Variants in EXOC4 observed in about 807,000 individuals in gnomAD.
EXOC4 encodes the protein exocyst complex component 4, also known as SEC8-like 1.
A neutral mutation model predicts 107.2 loss-of-function variants in EXOC4; 71 were observed. The ratio of observed to expected loss-of-function variants is 0.66; its 90% CI spans 0.55 to 0.81. The LOEUF (loss-of-function observed/expected upper bound fraction) is 0.81, where lower values mean the gene tolerates loss of function less well. EXOC4 is among the 30% of genes least tolerant of loss of function. The pLI is 0.00. For missense variants in EXOC4, 1,108 were observed against 1,189.6 expected (o/e 0.93, Z 1.01); for synonymous variants, 456 against 441.2 (o/e 1.03, Z -0.42).
At chr7:133,926,958 G>A (rs183518570) in intron 13 of EXOC4, among the ~76,000 whole-genome samples, 161 of 152,126 alleles carry the variant, frequency 1.1e-3, no homozygotes, top group Non-Finnish European at 7.2e-4. Context: ...TATTTGGCAC[G>A]AGTCATATAT....
At chr7:133,976,983 C>T (rs569178254) in intron 14 of EXOC4, among the ~76,000 whole-genome samples, 1 of 152,302 alleles carries the variant, frequency 6.6e-6, no homozygotes, top group South Asian at 2.1e-4. Context: ...ATAGGTGGTT[C>T]CTTCTCAATT....
intron 7 of EXOC4, among the ~76,000 whole-genome samples, chr7:133,464,373 A>G (rs549115737): frequency 5.8e-4 from 89 of 152,356 alleles, no homozygotes; most frequent in Non-Finnish European, 1.1e-3. Flanking sequence ...GTTGATTTCA[A>G]GCACAGACTT....
chr7:133,289,089 G>A lies in EXOC4; in HGVS notation c.444G>A (p.Lys148=). Residue 148 remains lysine, a synonymous_variant, in exon 3 of 18, where the codon AAG becomes AAA. Transcript: ENST00000253861. ...PQKLEQCMAS[K]HYLSATDMLV... ...AGCTGGAACAGTGCATGGCCAGCAA[G>A]CACTATCTCAGTGCCACTGACATGT... The A allele has an allele frequency of 6.2e-7, 1 of 1,614,112 alleles. No individual in the cohort carries two copies. Among genetic ancestry groups the A allele is most frequent in the Non-Finnish European group, 8.5e-7 (1 of 1,179,976 alleles).
intron 9 of EXOC4, among the ~76,000 whole-genome samples, chr7:133,571,319 A>C (rs1270094730): frequency 6.6e-6 from 1 of 152,162 alleles, no homozygotes; most frequent in Non-Finnish European, 1.5e-5. Context: ...AAAATGAAGA[A>C]ACGTGTCTTC....
intron 10 of EXOC4, among the ~76,000 whole-genome samples, chr7:133,685,794 G>A (rs1011622109): frequency 1.8e-4 from 27 of 152,068 alleles, no homozygotes; most frequent in Admixed American, 6.6e-4. Context: ...GACATATTGC[G>A]TAGTGGTGCA....
chr7:133,876,321 A>C (rs1798848647), intron 11 of EXOC4, among the ~76,000 whole-genome samples: 1 of 151,898 alleles, frequency 6.6e-6, no homozygotes, highest in South Asian at 2.1e-4. Context: ...GGAAATATAC[A>C]ACTGGGAAAT....
intron 12 of EXOC4, among the ~76,000 whole-genome samples, chr7:133,911,816 C>T (rs1799702460): frequency 6.6e-6 from 1 of 152,108 alleles, no homozygotes. Context: ...ATGAGTTGGG[C>T]TTGGGCTTCT....
intron 9 of EXOC4, among the ~76,000 whole-genome samples, chr7:133,532,745 T>C (rs1483725474): frequency 6.6e-6 from 1 of 152,050 alleles, no homozygotes; most frequent in Non-Finnish European, 1.5e-5. Flanking sequence ...TTTGGAGGTG[T>C]CAGTAATTGA....
At chr7:133,493,930 C>T (rs193209396) in intron 9 of EXOC4, among the ~76,000 whole-genome samples, 101 of 152,186 alleles carry the variant, frequency 6.6e-4, no homozygotes, top group Non-Finnish European at 1.1e-3. Flanking sequence ...TGCAGTGGCA[C>T]GAACTCTAAA....
intron 10 of EXOC4, among the ~76,000 whole-genome samples, chr7:133,705,833 C>T (rs1794757256): frequency 6.6e-6 from 1 of 152,174 alleles, no homozygotes; most frequent in African/African-American, 2.4e-5. Flanking sequence ...TCACACTACT[C>T]AGAATGGTGT....
At chr7:133,552,089 A>G (rs1260334356) in intron 9 of EXOC4, among the ~76,000 whole-genome samples, 2 of 152,172 alleles carry the variant, frequency 1.3e-5, no homozygotes, top group Non-Finnish European at 2.9e-5. Context: ...GGCACTTGGC[A>G]TTTTGATTGA....
At chr7:133,815,073 C>G (rs574836499) in intron 10 of EXOC4, among the ~76,000 whole-genome samples, 2 of 152,162 alleles carry the variant, frequency 1.3e-5, no homozygotes, top group South Asian at 4.2e-4. Flanking sequence ...CAATCTTAAT[C>G]AATGAGGATA....
At chr7:133,923,160 C>T (rs1395420327) in intron 13 of EXOC4, among the ~76,000 whole-genome samples, 5 of 125,468 alleles carry the variant, frequency 4.0e-5, no homozygotes, top group Non-Finnish European at 4.8e-5. Flanking sequence ...GACAGAGTTT[C>T]GCCCTTCGCC....
rs61300051 is a variant in EXOC4, at chr7:133,264,688, A to C, written c.87-10294A>C. Among the ~76,000 whole-genome samples, 1,206 of 152,228 alleles carry C rather than the reference A, an allele frequency of 7.9e-3. 21 individuals are homozygous for C. The highest frequency in any genetic ancestry group is 0.028 in the African/African-American group (1,163 of 41,536). ...CACATTAAACTCATAATTCTGAGTA[A>C]CTCAGAATTATGATGAGGGTCTCTT... On this transcript the variant is annotated intron_variant, in intron 1 of 17. Transcript: ENST00000253861.
chr7:133,874,507 A>G (rs1457589578), intron 11 of EXOC4, among the ~76,000 whole-genome samples: 2 of 152,168 alleles, frequency 1.3e-5, no homozygotes, highest in East Asian at 3.9e-4. Context: ...ACTTGCTTGC[A>G]CACTCTCTCC....
At chr7:133,893,910 G>A in intron 11 of EXOC4, among the ~76,000 whole-genome samples, 1 of 80,392 alleles carries the variant, frequency 1.2e-5, no homozygotes. Context: ...GTGTCTTGGA[G>A]TTGCTCTTCT....
At chr7:133,754,035 G>T (rs1795847878) in intron 10 of EXOC4, among the ~76,000 whole-genome samples, 1 of 152,150 alleles carries the variant, frequency 6.6e-6, no homozygotes, top group Non-Finnish European at 1.5e-5. Flanking sequence ...TCACGTAGAG[G>T]ATGTTTTGAA....
intron 12 of EXOC4, among the ~76,000 whole-genome samples, chr7:133,900,019 G>A (rs1585234287): frequency 6.6e-6 from 1 of 152,110 alleles, no homozygotes; most frequent in Admixed American, 6.6e-5. Context: ...CTCACCAAGT[G>A]CCCAGATGCA....
At chr7:133,457,267 G>C (rs111355156) in intron 7 of EXOC4, among the ~76,000 whole-genome samples, 205 of 152,278 alleles carry the variant, frequency 1.3e-3, no homozygotes, top group African/African-American at 4.8e-3. Context: ...GGTGTATGTT[G>C]TGGTGGTAAT....
Sources: gnomAD v4.1 joint callset for allele counts (sites outside exome capture counted in the v4.1 genomes callset) on GRCh38, gnomAD v4.1.1 for gene constraint, MANE v1.5 for transcripts, NCBI Gene and HGNC (gene_info 2026-07-23, HGNC 2026-07-21) for gene names.